The following TTC33 variants were observed in gnomAD, a reference collection of about 807,000 sequenced individuals.
TTC33 encodes tetratricopeptide repeat domain 33, also known as tetratricopeptide repeat protein 33.
In TTC33, 24 loss-of-function variants were observed where a neutral mutation model predicts 29.4. The observed-to-expected ratio is 0.82, with a 90% CI of 0.59 to 1.15. TTC33 has a LOEUF of 1.15. Ranked by LOEUF, TTC33 falls within the 50% of genes most tolerant of loss-of-function variation. The pLI, the probability that TTC33 is intolerant of heterozygous loss-of-function variation, is 0.00. For synonymous variants in TTC33, 107 were observed against 100.3 expected, an observed-to-expected ratio of 1.07 and a Z score of -0.40; for missense variants, 286 against 310.4, an observed-to-expected ratio of 0.92 and a Z score of 0.59.
At position 40,713,348 on chromosome 5, in the gene TTC33, AACTAAAAGGGCTAT is replaced by A. The variant is rs1301572853; in HGVS notation, c.*2783_*2796del. On this transcript the variant is annotated 3_prime_UTR_variant, in exon 5 of 5. Coordinates refer to ENST00000337702, the MANE Select transcript of TTC33 (RefSeq NM_012382.3). ...TTGAATCATTATGTAATTTTCAAAC[AACTAAAAGGGCTAT>A]ACTGTTCAGTTATAATCTTAAAAAT... is the stretch of plus-strand genomic sequence containing the variant. Among the ~76,000 whole-genome samples the A allele has an allele frequency of 5.3e-5, 8 of 152,188 alleles. No homozygotes were observed. Among genetic ancestry groups the A allele is most frequent in the African/African-American group, 1.9e-4 (8 of 41,468 alleles).
intron 2 of TTC33, among the ~76,000 whole-genome samples, chr5:40,745,602 G>A (rs114292048): frequency 1.3e-3 from 204 of 151,808 alleles, no homozygotes; most frequent in African/African-American, 4.8e-3. Context: ...ACACCTCATC[G>A]TAGCCTCAAC....
intron 4 of TTC33, among the ~76,000 whole-genome samples, chr5:40,723,512 TA>T (rs34823449): frequency 0.014 from 2,079 of 143,720 alleles, 31 homozygotes; most frequent in African/African-American, 0.038. Context: ...TAACTCAAAT[TA>T]AAAAAAAAAA....
chr5:40,751,363 A>T (rs1439077498), intron 1 of TTC33, among the ~76,000 whole-genome samples: 1 of 152,216 alleles, frequency 6.6e-6, no homozygotes, highest in Admixed American at 6.5e-5. Context: ...CTTCATGAGC[A>T]GGTCTCAATA....
Position 40,711,919 on chromosome 5 carries a change from A to C in TTC33, c.*4226T>G, listed in dbSNP as rs1031235728. Among the ~76,000 whole-genome samples the C allele has an allele frequency of 6.6e-6, 1 of 152,158 alleles. No individual in the cohort carries two copies. The highest frequency in any genetic ancestry group is 1.5e-5 in the Non-Finnish European group (1 of 68,006). On this transcript the variant is annotated 3_prime_UTR_variant, in exon 5 of 5. Coordinates refer to ENST00000337702, the MANE Select transcript of TTC33 (RefSeq NM_012382.3). The stretch of plus-strand genomic sequence containing the variant: ...TGACTAGGGATGGCTGTTCAGGTGG[A>C]GGGGAACCAACTGCAAAAGGGCTTT...
chr5:40,714,899 G>GT lies in TTC33; in HGVS notation c.*1245dup, dbSNP rs1741968399. 6.6e-6 allele frequency: 1 copy of GT among 152,138 alleles called. No individual in the cohort carries two copies. Among genetic ancestry groups the GT allele is most frequent in the Non-Finnish European group, 1.5e-5 (1 of 67,950 alleles). The allele number at this position is 152,138 out of a possible 1,614,324, so 9.4% of individuals were successfully genotyped here. On this transcript the variant is annotated 3_prime_UTR_variant, in exon 5 of 5. Coordinates refer to ENST00000337702, the MANE Select transcript of TTC33 (RefSeq NM_012382.3). ...TAATACACCAATAGTATCTTCCTGA[G>GT]TGTCAGAAGTAACAGAACCCAACAG...
chr5:40,753,650 G>C (rs1742936575), intron 1 of TTC33, among the ~76,000 whole-genome samples: 1 of 152,130 alleles, frequency 6.6e-6, no homozygotes, highest in Non-Finnish European at 1.5e-5. Flanking sequence ...CACACAGTGA[G>C]GACAACCTGA....
chr5:40,734,512 G>C (rs1199415237), intron 2 of TTC33, among the ~76,000 whole-genome samples: 1 of 152,130 alleles, frequency 6.6e-6, no homozygotes, highest in South Asian at 2.1e-4. Context: ...ACTACAACAG[G>C]GCAGGATGAG....
chr5:40,732,206 A>G (rs1296781742), intron 2 of TTC33, among the ~76,000 whole-genome samples: 1 of 152,046 alleles, frequency 6.6e-6, no homozygotes, highest in Non-Finnish European at 1.5e-5. Flanking sequence ...TTGTAGAGAC[A>G]GGGTCTCACT....
intron 2 of TTC33, among the ~76,000 whole-genome samples, chr5:40,732,574 A>C (rs1286659842): frequency 6.6e-6 from 1 of 151,902 alleles, no homozygotes; most frequent in Non-Finnish European, 1.5e-5. Flanking sequence ...CAGTACCCAG[A>C]ACATTTCTGG....
At chr5:40,728,977 AG>A (rs1360665847) in intron 3 of TTC33, among the ~76,000 whole-genome samples, 44 of 152,308 alleles carry the variant, frequency 2.9e-4, no homozygotes, top group Non-Finnish European at 5.1e-4. Flanking sequence ...GGTTAGGGTT[AG>A]GGTTAGGGTT....
chr5:40,730,155 T>A (rs563265521), intron 3 of TTC33, 107 bp downstream of exon 3: 6 of 824,966 alleles, frequency 7.3e-6, no homozygotes, highest in Non-Finnish European at 1.1e-5. Context: ...GAAACCGTAT[T>A]TGTAAAAGAA....
chr5:40,736,012 G>T (rs539422785), intron 2 of TTC33, among the ~76,000 whole-genome samples: 61 of 152,272 alleles, frequency 4.0e-4, no homozygotes, highest in African/African-American at 1.4e-3. Flanking sequence ...GGGTATGTTT[G>T]CATGCCAGCA....
In TTC33 at chr5:40,713,379, C is replaced by G. The variant is rs1741935890; in HGVS notation, c.*2766G>C. On this transcript the variant is annotated 3_prime_UTR_variant, in exon 5 of 5. Coordinates refer to ENST00000337702, the MANE Select transcript of TTC33 (RefSeq NM_012382.3). ...AAGGGCTATACTGTTCAGTTATAAT[C>G]TTAAAAATTCTAGCTGAGACAGAGC... Among the ~76,000 whole-genome samples, 1 of 152,086 alleles carries G rather than the reference C, an allele frequency of 6.6e-6. No homozygotes were observed. The highest frequency in any genetic ancestry group is 2.4e-5 in the African/African-American group (1 of 41,444).
chr5:40,728,783 A>G (rs1742355997), intron 3 of TTC33, among the ~76,000 whole-genome samples: 1 of 152,108 alleles, frequency 6.6e-6, no homozygotes. Context: ...TTCCACTTCC[A>G]TTTATTCTAT....
At chr5:40,720,854 A>G (rs999549338) in intron 4 of TTC33, among the ~76,000 whole-genome samples, 2 of 152,190 alleles carry the variant, frequency 1.3e-5, no homozygotes, top group Admixed American at 6.5e-5. Context: ...GCTACCCTCA[A>G]GGGAAAGAAT....
rs771352163 is a variant in TTC33, at chr5:40,716,399, T to G, written c.535A>C (p.Lys179Gln). 7 of 1,613,906 alleles carry G rather than the reference T, an allele frequency of 4.3e-6. No individual in the cohort carries two copies. Among genetic ancestry groups the G allele is most frequent in the Non-Finnish European group, 5.9e-6 (7 of 1,180,036 alleles). ...SWARTLQEQQKVAQRIKKSEA... is the reference protein window; with the variant it reads ...SWARTLQEQQQVAQRIKKSEA... Reference sequence around the variant, plus strand: ...CTTTTTTTAATCCTCTGTGCTACCTTCTGCTGCTCCTGGAGCGTTCTTGCC... The same window carrying G: ...CTTTTTTTAATCCTCTGTGCTACCTGCTGCTGCTCCTGGAGCGTTCTTGCC... Residue 179 changes from lysine to glutamine, a missense_variant, in exon 5 of 5, where the codon AAG becomes CAG. By Grantham distance (53) the Lys-to-Gln change is moderately conservative. Coordinates refer to ENST00000337702, the MANE Select transcript of TTC33 (RefSeq NM_012382.3).
chr5:40,746,769 T>C (rs1249505342), intron 2 of TTC33, 29 bp downstream of exon 2: 1 of 1,538,014 alleles, frequency 6.5e-7, no homozygotes, highest in Non-Finnish European at 8.9e-7. Flanking sequence ...TAAGCTCTTC[T>C]CCATAAAAAA....
chr5:40,754,127 A>G (rs3792823), intron 1 of TTC33, among the ~76,000 whole-genome samples: 9,738 of 152,186 alleles, frequency 0.064, 559 homozygotes, highest in East Asian at 0.3. Context: ...GTGGCTCTCA[A>G]CCATATGTGA....
intron 4 of TTC33, among the ~76,000 whole-genome samples, chr5:40,719,735 G>A (rs936932368): frequency 2.0e-5 from 3 of 152,158 alleles, no homozygotes; most frequent in African/African-American, 7.2e-5. Context: ...TTTTATGATA[G>A]TGAATGTGAA....
Sources: allele counts gnomAD v4.1 joint callset (sites outside exome capture counted in the v4.1 genomes callset), GRCh38; gene constraint gnomAD v4.1.1; transcripts MANE v1.5; gene names NCBI Gene and HGNC (gene_info 2026-07-23, HGNC 2026-07-21).